The following ATP8A1 variants were observed in gnomAD, a reference collection of about 807,000 sequenced individuals.
ATP8A1 encodes the protein phospholipid-transporting ATPase IA.
ATP8A1 carries 90 observed loss-of-function variants against 177.7 expected under a neutral mutation model. The ratio of observed to expected loss-of-function variants is 0.51; its 90% CI spans 0.43 to 0.60. The LOEUF (loss-of-function observed/expected upper bound fraction) is 0.60, where lower values mean the gene tolerates loss of function less well. ATP8A1 is among the 20% of genes least tolerant of loss of function. The pLI is 0.00. For synonymous variants in ATP8A1, 493 were observed against 485.9 expected (o/e 1.01, Z -0.19); for missense variants, 1,072 against 1,392.8 (o/e 0.77, Z 3.67).
At chr4:42,422,752 T>C (rs1714128620) in intron 35 of ATP8A1, 55 bp downstream of exon 35, 3 of 1,407,274 alleles carry the variant, frequency 2.1e-6, no homozygotes, top group Non-Finnish European at 3.0e-6. Context: ...CAACCACTAG[T>C]ACAAGATAAA....
At chr4:42,562,637 T>C (rs534642091) in intron 15 of ATP8A1, among the ~76,000 whole-genome samples, 45 of 152,374 alleles carry the variant, frequency 3.0e-4, no homozygotes, top group Middle Eastern at 6.8e-3. Context: ...TGATATTGTT[T>C]GGCTGTGTTC....
chr4:42,573,602 G>A (rs1192034269), intron 14 of ATP8A1, among the ~76,000 whole-genome samples: 6 of 152,140 alleles, frequency 3.9e-5, no homozygotes, highest in African/African-American at 1.4e-4. Flanking sequence ...TTTTAACCTC[G>A]TTTATACATA....
chr4:42,455,293 C>T lies in ATP8A1; in HGVS notation c.2817+4G>A. On this transcript the variant is annotated splice_donor_region_variant and intron_variant, in intron 29 of 36. Transcript: ENST00000381668. ...CATGTCCCAGCCAGGGCACTGTGTC[C>T]TACCTTGGTGTTGAAGTCCAGGGCA... is the stretch of plus-strand genomic sequence containing the variant. 6.2e-7 allele frequency: 1 copy of T among 1,613,556 alleles called. No homozygotes were observed.
At chr4:42,466,713 G>A (rs1481344262) in intron 25 of ATP8A1, among the ~76,000 whole-genome samples, 1 of 152,244 alleles carries the variant, frequency 6.6e-6, no homozygotes, top group Non-Finnish European at 1.5e-5. Flanking sequence ...GCAAGGAAAT[G>A]AATGCCTATC....
In ATP8A1 at chr4:42,591,849, A is replaced by G. The variant is rs545978463; in HGVS notation, c.451-965T>C. 1.2e-4 allele frequency among the ~76,000 whole-genome samples: 19 copies of G among 152,290 alleles called. No individual in the cohort carries two copies. The East Asian group carries it at 3.7e-3, about 29-fold the overall frequency. ...AAAATTAAAAAAATTGAAAATTAAA[A>G]TATTATAAACAGTTGTTTACTCTTA... is the stretch of plus-strand genomic sequence containing the variant. On this transcript the variant is annotated intron_variant, in intron 6 of 36. Transcript: ENST00000381668.
intron 25 of ATP8A1, among the ~76,000 whole-genome samples, chr4:42,482,507 G>T (rs963597903): frequency 7.2e-5 from 11 of 151,986 alleles, no homozygotes; most frequent in Non-Finnish European, 1.5e-4. Context: ...TGGGGTGGGG[G>T]GATTAGTTCT....
At chr4:42,525,778 G>A (rs1202976646) in intron 20 of ATP8A1, among the ~76,000 whole-genome samples, 1 of 151,974 alleles carries the variant, frequency 6.6e-6, no homozygotes, top group Non-Finnish European at 1.5e-5. Flanking sequence ...CCCATTTTGG[G>A]GTCTCCAGTC....
intron 6 of ATP8A1, among the ~76,000 whole-genome samples, chr4:42,598,597 A>T (rs1035493727): frequency 6.6e-6 from 1 of 152,286 alleles, no homozygotes; most frequent in South Asian, 2.1e-4. Context: ...ATTTGGAACA[A>T]GTGATATTTC....
At chr4:42,569,587 C>T (rs988124638) in intron 14 of ATP8A1, among the ~76,000 whole-genome samples, 2 of 152,016 alleles carry the variant, frequency 1.3e-5, no homozygotes, top group East Asian at 3.9e-4. Flanking sequence ...AACAAACATG[C>T]TAATATCTTG....
At chr4:42,436,085 G>T (rs977457309) in intron 33 of ATP8A1, among the ~76,000 whole-genome samples, 1 of 152,118 alleles carries the variant, frequency 6.6e-6, no homozygotes, top group Non-Finnish European at 1.5e-5. Flanking sequence ...GAATGAATGC[G>T]ACAATGAATT....
intron 33 of ATP8A1, among the ~76,000 whole-genome samples, chr4:42,432,525 A>T (rs997442613): frequency 1.3e-5 from 2 of 152,208 alleles, no homozygotes; most frequent in African/African-American, 4.8e-5. Flanking sequence ...GGGACACTGC[A>T]GAGGTCATAA....
At chr4:42,518,842 C>T (rs1725830410) in intron 22 of ATP8A1, among the ~76,000 whole-genome samples, 1 of 152,154 alleles carries the variant, frequency 6.6e-6, no homozygotes, top group Non-Finnish European at 1.5e-5. Context: ...GGGTAACATT[C>T]TGGAAGAATC....
chr4:42,457,587 A>T (rs1718623493), intron 27 of ATP8A1, among the ~76,000 whole-genome samples: 1 of 152,218 alleles, frequency 6.6e-6, no homozygotes, highest in Non-Finnish European at 1.5e-5. Context: ...TTGGCTCAAA[A>T]GTTGTAGTTC....
intron 24 of ATP8A1, among the ~76,000 whole-genome samples, chr4:42,486,789 C>A (rs542015026): frequency 6.6e-6 from 1 of 152,148 alleles, no homozygotes; most frequent in Non-Finnish European, 1.5e-5. Context: ...GTGTTACAAC[C>A]GCCTACAGTA....
intron 27 of ATP8A1, chr4:42,459,413 T>A (rs1227415730): frequency 4.7e-6 from 1 of 214,850 alleles, no homozygotes; most frequent in Non-Finnish European, 9.9e-6. Context: ...ACATTCTTAT[T>A]TTATAAAATT....
chr4:42,542,749 C>T (rs1379611307), intron 20 of ATP8A1, among the ~76,000 whole-genome samples: 6 of 152,156 alleles, frequency 3.9e-5, no homozygotes, highest in Non-Finnish European at 8.8e-5. Flanking sequence ...ATCCATGTCC[C>T]TGCAAAGGAC....
intron 27 of ATP8A1, among the ~76,000 whole-genome samples, chr4:42,458,221 CA>C (rs750886450): frequency 3.1e-4 from 47 of 152,180 alleles, no homozygotes; most frequent in Non-Finnish European, 5.0e-4. Context: ...ATCCCAAACA[CA>C]TAAAAGTACC....
intron 1 of ATP8A1, among the ~76,000 whole-genome samples, chr4:42,627,751 T>C (rs376842943): frequency 2.0e-5 from 3 of 152,188 alleles, no homozygotes; most frequent in Non-Finnish European, 4.4e-5. Flanking sequence ...AAAAAATACA[T>C]ACAAGTTCTA....
At position 42,446,633 on chromosome 4, in the gene ATP8A1, C is replaced by T; in HGVS notation, c.2908G>A (p.Gly970Arg). 1 of 1,613,650 alleles carries T rather than the reference C, an allele frequency of 6.2e-7. No individual in the cohort carries two copies. The highest frequency in any genetic ancestry group is 8.5e-7 in the Non-Finnish European group (1 of 1,179,720). ...AGATAATCCGAGGTTTTCCCATTTC[C>T]AAATGCAGTACCTGTACGAAAAGGA... ...LKALQYGTAF[G>R]NGKTSDYLLL... The change falls in exon 31 of 37, where the codon GGA (glycine) becomes AGA (arginine). Residue 970 changes from glycine (G) to arginine (R), a missense_variant. By Grantham distance (125) the Gly-to-Arg change is moderately radical. Transcript: ENST00000381668.
Sources: allele counts gnomAD v4.1 joint callset (sites outside exome capture counted in the v4.1 genomes callset), GRCh38; gene constraint gnomAD v4.1.1; transcripts MANE v1.5; gene names NCBI Gene and HGNC (gene_info 2026-07-23, HGNC 2026-07-21).